Variants in EIF2B3 observed in about 807,000 individuals in gnomAD.
EIF2B3 encodes translation initiation factor eIF2B subunit gamma.
In EIF2B3, 20 loss-of-function variants were observed where a neutral mutation model predicts 54.1. The observed-to-expected ratio is 0.37, with a 90% CI of 0.26 to 0.54. The LOEUF (loss-of-function observed/expected upper bound fraction) is 0.54, where lower values mean the gene tolerates loss of function less well. Ranked by LOEUF, EIF2B3 falls within the 20% of genes least tolerant of loss-of-function variation. The pLI, the probability that EIF2B3 is intolerant of heterozygous loss-of-function variation, is 0.86. For synonymous variants in EIF2B3, 153 were observed against 188.1 expected, an observed-to-expected ratio of 0.81 and a Z score of 1.52; for missense variants, 448 against 547.8, an observed-to-expected ratio of 0.82 and a Z score of 1.82.
At chr1:44,853,337 G>A (rs1654337113) in intron 11 of EIF2B3, among the ~76,000 whole-genome samples, 1 of 152,080 alleles carries the variant, frequency 6.6e-6, no homozygotes, top group South Asian at 2.1e-4. Context: ...TAGGCCGGGC[G>A]TGGTGGCTCG....
At chr1:44,915,060 AG>A (rs1480057332) in intron 5 of EIF2B3, among the ~76,000 whole-genome samples, 10 of 150,486 alleles carry the variant, frequency 6.6e-5, no homozygotes, top group Non-Finnish European at 1.3e-4. Context: ...GCACTTTGGG[AG>A]GCCGAGGCAG....
intron 5 of EIF2B3, among the ~76,000 whole-genome samples, chr1:44,915,620 T>A (rs191130332): frequency 2.6e-5 from 4 of 152,288 alleles, no homozygotes; most frequent in African/African-American, 7.2e-5. Context: ...AGCCTAGGTC[T>A]CCCAAAGTGC....
chr1:44,890,436 TTAAA>T (rs146110611), intron 6 of EIF2B3, among the ~76,000 whole-genome samples: 27,126 of 152,046 alleles, frequency 0.18, 2,652 homozygotes, highest in Admixed American at 0.28. Context: ...AAATAAGCAC[TTAAA>T]TAAAATATTT....
chr1:44,885,920 T>A (rs12130959), intron 6 of EIF2B3, among the ~76,000 whole-genome samples: 6 of 147,518 alleles, frequency 4.1e-5, no homozygotes, highest in African/African-American at 1.5e-4. Context: ...TTTTTTTTTG[T>A]ATTTTTAGTA....
chr1:44,869,152 T>A lies in EIF2B3; in HGVS notation c.1202+5526A>T, dbSNP rs530859633. Among the ~76,000 whole-genome samples, 4 of 152,182 alleles carry A rather than the reference T, an allele frequency of 2.6e-5. No homozygotes were observed. In the East Asian group the frequency reaches 7.7e-4, roughly 29 times the overall value. On this transcript the variant is annotated intron_variant, in intron 10 of 11. Transcript: ENST00000360403. ...AGTAATATAATAACAACAACAATAA[T>A]AAATAAATAAAAATAGCAACTAACT...
At chr1:44,967,427 A>T (rs1439096777) in intron 3 of EIF2B3, among the ~76,000 whole-genome samples, 2 of 147,818 alleles carry the variant, frequency 1.4e-5, no homozygotes, top group Admixed American at 6.8e-5. Context: ...AGCGTGGGCA[A>T]CAGAGCGAGA....
rs149382597 is a variant in EIF2B3, at chr1:44,985,103, G to A, written c.-10+1390C>T. ...TTACAGGCGTGAGCCACCGCGCCCG[G>A]CCAATAATGTCCATCTTATGAGAAG... On this transcript the variant is annotated intron_variant, in intron 1 of 11. Coordinates refer to ENST00000360403, the MANE Select transcript of EIF2B3 (RefSeq NM_020365.5). 5.0e-3 allele frequency among the ~76,000 whole-genome samples: 755 copies of A among 152,258 alleles called. 4 individuals carry two copies. Among genetic ancestry groups the A allele is most frequent in the East Asian group, 8.1e-3 (42 of 5,180 alleles).
intron 5 of EIF2B3, among the ~76,000 whole-genome samples, chr1:44,918,451 G>A (rs910659765): frequency 6.7e-6 from 1 of 148,896 alleles, no homozygotes; most frequent in African/African-American, 2.5e-5. Flanking sequence ...GTGCAATGGC[G>A]CCAGCTTGGC....
chr1:44,879,833 C>T lies in EIF2B3; in HGVS notation c.960G>A (p.Met320Ile), dbSNP rs1655328270. ...ATGCTCTCACCTGTCTGTTTGCTTC[C>T]ATGTAGAGTCCCAGTGTGCTCACTC... ...CSRVSTLGLYMEANRQVPKLL... is the reference protein window; with the variant it reads ...CSRVSTLGLYIEANRQVPKLL... The change falls in exon 8 of 12, where the codon ATG becomes ATA. Residue 320 changes from methionine (M) to isoleucine (I), a missense_variant. Physicochemically the swap from Met to Ile is conservative, Grantham distance 10. Coordinates refer to ENST00000360403, the MANE Select transcript of EIF2B3 (RefSeq NM_020365.5). 2 of 1,613,918 alleles carry T rather than the reference C, an allele frequency of 1.2e-6. No homozygotes were observed. The highest frequency in any genetic ancestry group is 1.3e-5 in the African/African-American group (1 of 75,040).
chr1:44,983,834 G>A (rs1260881885), intron 1 of EIF2B3, among the ~76,000 whole-genome samples: 1 of 151,882 alleles, frequency 6.6e-6, no homozygotes, highest in East Asian at 2.0e-4. Context: ...AGCCTCCCAA[G>A]TTGCTGGGAT....
chr1:44,951,607 T>C (rs1279901881), intron 3 of EIF2B3, among the ~76,000 whole-genome samples: 1 of 152,180 alleles, frequency 6.6e-6, no homozygotes, highest in East Asian at 1.9e-4. Flanking sequence ...CCCAAGAAGC[T>C]AAACATGGAT....
At chr1:44,960,795 C>T (rs189942158) in intron 3 of EIF2B3, among the ~76,000 whole-genome samples, 225 of 152,188 alleles carry the variant, frequency 1.5e-3, no homozygotes, top group African/African-American at 5.1e-3. Flanking sequence ...ACATGAGCAT[C>T]CAAGGATTTT....
At chr1:44,888,473 A>ATCTCTCTCTCTCTC (rs3044260) in intron 6 of EIF2B3, among the ~76,000 whole-genome samples, 106 of 144,528 alleles carry the variant, frequency 7.3e-4, no homozygotes, top group Middle Eastern at 3.6e-3. Context: ...TGGCTTCTCA[A>ATCTCTCTCTCTCTC]TCTCTCTCTC....
chr1:44,886,938 T>C, intron 6 of EIF2B3, among the ~76,000 whole-genome samples: 1 of 152,176 alleles, frequency 6.6e-6, no homozygotes, highest in East Asian at 1.9e-4. Flanking sequence ...CTACAGATGG[T>C]GTCAGAAGTG....
intron 5 of EIF2B3, among the ~76,000 whole-genome samples, chr1:44,922,568 T>C (rs980377148): frequency 1.2e-3 from 154 of 124,014 alleles, no homozygotes; most frequent in African/African-American, 4.6e-3. Context: ...GCCTGGGATA[T>C]AGAGCGAGAC....
chr1:44,907,462 G>A (rs1337794392), intron 5 of EIF2B3, among the ~76,000 whole-genome samples: 2 of 152,196 alleles, frequency 1.3e-5, no homozygotes, highest in African/African-American at 4.8e-5. Context: ...GGAAGCTGAG[G>A]CAGGAGAATT....
chr1:44,882,438 C>CTTT (rs200259851), intron 6 of EIF2B3, among the ~76,000 whole-genome samples: 2 of 142,634 alleles, frequency 1.4e-5, no homozygotes, highest in African/African-American at 2.6e-5. Flanking sequence ...TGGGAGAAAA[C>CTTT]TTTTTTTTTT....
In EIF2B3 at chr1:44,968,065, A is replaced by AAAATAAAAATAT. The variant is rs1484828466; in HGVS notation, c.294+10249_294+10250insATATTTTTATTT. On this transcript the variant is annotated intron_variant, in intron 3 of 11. Coordinates refer to ENST00000360403, the MANE Select transcript of EIF2B3 (RefSeq NM_020365.5). ...AAATAAATAAATAAAAATAAAAATAAAAATATAAAAGAAAAGGCCTGGTGC... is the reference window on the plus strand; with the variant it reads ...AAATAAATAAATAAAAATAAAAATAAAAATAAAAATATAAATATAAAAGAAAAGGCCTGGTGC... 6.6e-5 allele frequency among the ~76,000 whole-genome samples: 10 copies of AAAATAAAAATAT among 151,610 alleles called. 1 individual carries two copies. Among genetic ancestry groups the AAAATAAAAATAT allele is most frequent in the African/African-American group, 2.4e-4 (10 of 41,394 alleles).
chr1:44,872,640 AC>A (rs1655001945), intron 10 of EIF2B3, among the ~76,000 whole-genome samples: 1 of 151,474 alleles, frequency 6.6e-6, no homozygotes, highest in Non-Finnish European at 1.5e-5. Context: ...ACAGAGGGAA[AC>A]CCTGTCTTGA....
Sources: allele counts gnomAD v4.1 joint callset (sites outside exome capture counted in the v4.1 genomes callset), GRCh38; gene constraint gnomAD v4.1.1; transcripts MANE v1.5; gene names NCBI Gene and HGNC (gene_info 2026-07-23, HGNC 2026-07-21).